Variants in KCNB2 observed in about 807,000 individuals in gnomAD.
KCNB2 encodes the protein potassium voltage-gated channel subfamily B member 2.
Under a neutral mutation model 61.5 loss-of-function variants are expected in KCNB2, and 15 were observed. That is an observed-to-expected ratio of 0.24 (90% CI 0.16 to 0.38). KCNB2 has a LOEUF of 0.38. Ranked by LOEUF, KCNB2 falls within the 10% of genes least tolerant of loss-of-function variation. The pLI is 1.00. For synonymous variants in KCNB2, 457 were observed against 446.0 expected (o/e 1.02, Z -0.31); for missense variants, 828 against 1,125.2 (o/e 0.74, Z 3.78).
intron 2 of KCNB2, among the ~76,000 whole-genome samples, chr8:72,695,493 C>T (rs759165011): frequency 6.6e-6 from 1 of 152,082 alleles, no homozygotes; most frequent in Non-Finnish European, 1.5e-5. Context: ...ATGACAAATG[C>T]TATCCAAGAT....
At chr8:72,686,044 A>T (rs1158552810) in intron 2 of KCNB2, among the ~76,000 whole-genome samples, 2 of 152,238 alleles carry the variant, frequency 1.3e-5, no homozygotes, top group African/African-American at 4.8e-5. Flanking sequence ...GGGCACTTGT[A>T]TGAAAACATA....
At chr8:72,709,750 T>G (rs1293202603) in intron 2 of KCNB2, among the ~76,000 whole-genome samples, 1 of 151,690 alleles carries the variant, frequency 6.6e-6, no homozygotes, top group East Asian at 1.9e-4. Flanking sequence ...AACATGAGAG[T>G]TGGAGGGGAC....
At chr8:72,865,538 A>T (rs1242465221) in intron 2 of KCNB2, among the ~76,000 whole-genome samples, 1 of 152,206 alleles carries the variant, frequency 6.6e-6, no homozygotes, top group Non-Finnish European at 1.5e-5. Context: ...AATGGTGATG[A>T]TAATCATTAT....
chr8:72,592,910 C>A (rs1010420551), intron 2 of KCNB2, among the ~76,000 whole-genome samples: 4 of 151,994 alleles, frequency 2.6e-5, no homozygotes, highest in African/African-American at 9.7e-5. Flanking sequence ...TGTTTTGTTT[C>A]CCTGAAAGAA....
chr8:72,723,747 C>T (rs542914652), intron 2 of KCNB2, among the ~76,000 whole-genome samples: 2 of 152,298 alleles, frequency 1.3e-5, no homozygotes, highest in South Asian at 4.1e-4. Context: ...TAATCCAAAC[C>T]TGTTGGACAT....
intron 2 of KCNB2, among the ~76,000 whole-genome samples, chr8:72,694,040 G>T (rs889052303): frequency 6.6e-6 from 1 of 152,084 alleles, no homozygotes; most frequent in African/African-American, 2.4e-5. Flanking sequence ...ATAGAAAATC[G>T]ATATCAAATT....
chr8:72,818,303 A>G (rs1205460918), intron 2 of KCNB2, among the ~76,000 whole-genome samples: 1 of 152,196 alleles, frequency 6.6e-6, no homozygotes, highest in Non-Finnish European at 1.5e-5. Flanking sequence ...GATAAATTCA[A>G]ATCTATTACT....
intron 2 of KCNB2, among the ~76,000 whole-genome samples, chr8:72,792,459 A>G (rs1054620712): frequency 2.0e-5 from 3 of 152,104 alleles, no homozygotes; most frequent in African/African-American, 7.2e-5. Context: ...TGTTAGGAAT[A>G]TTTTCTACCT....
chr8:72,668,437 A>T (rs1806513916), intron 2 of KCNB2, among the ~76,000 whole-genome samples: 1 of 152,092 alleles, frequency 6.6e-6, no homozygotes, highest in Admixed American at 6.6e-5. Flanking sequence ...AAGTATTTAG[A>T]GGTAGTTTCT....
rs771442228 is a variant in KCNB2 at position 72,640,684 on chromosome 8, T to TA, written c.579+72379dup. ...AGAAAGTCTGCAAAGTGACTCATGA[T>TA]AAAAAAAATATTAGGAAAAAGGAGT... On this transcript the variant is annotated intron_variant, in intron 2 of 2. Coordinates refer to ENST00000523207, the MANE Select transcript of KCNB2 (RefSeq NM_004770.3). Among the ~76,000 whole-genome samples, 13 of 151,890 alleles carry TA rather than the reference T, an allele frequency of 8.6e-5. No individual in the cohort carries two copies. The South Asian group carries it at 1.3e-3, about 15-fold the overall frequency.
rs190494924 is a variant in KCNB2, at chr8:72,583,328, T to C, written c.579+15015T>C. 9.6e-4 allele frequency among the ~76,000 whole-genome samples: 146 copies of C among 152,326 alleles called. 4 individuals carry two copies. Among genetic ancestry groups the C allele is most frequent in the Non-Finnish European group, 1.2e-4 (8 of 68,026 alleles). ...GTGCATTAGAAATCTTTAAGCCTTA[T>C]ATACATCTTCTAAGAATTTTAATGA... On this transcript the variant is annotated intron_variant, in intron 2 of 2. Transcript: ENST00000523207.
chr8:72,896,953 T>C (rs137881278), intron 2 of KCNB2, among the ~76,000 whole-genome samples: 15 of 152,298 alleles, frequency 9.8e-5, no homozygotes, highest in Non-Finnish European at 1.8e-4. Flanking sequence ...GTTGTTGTTG[T>C]TGTTATGAAC....
chr8:72,814,000 T>TC (rs1375074298), intron 2 of KCNB2, among the ~76,000 whole-genome samples: 2 of 152,082 alleles, frequency 1.3e-5, no homozygotes, highest in Non-Finnish European at 2.9e-5. Context: ...ATGCTATCCC[T>TC]CCCCCTACAA....
At chr8:72,822,128 C>T (rs186133745) in intron 2 of KCNB2, among the ~76,000 whole-genome samples, 10 of 152,344 alleles carry the variant, frequency 6.6e-5, no homozygotes, top group Admixed American at 6.5e-4. Flanking sequence ...TGGTGACCTC[C>T]CAGTCATTTT....
intron 2 of KCNB2, among the ~76,000 whole-genome samples, chr8:72,594,806 A>G (rs756175969): frequency 1.3e-5 from 2 of 152,238 alleles, no homozygotes; most frequent in Non-Finnish European, 2.9e-5. Flanking sequence ...TTAAAACAGT[A>G]TAATAAACCA....
chr8:72,890,043 G>A (rs766096393), intron 2 of KCNB2, among the ~76,000 whole-genome samples: 4 of 152,034 alleles, frequency 2.6e-5, no homozygotes, highest in African/African-American at 7.2e-5. Flanking sequence ...CAACATGCAC[G>A]GCCTTATTTT....
At chr8:72,635,533 GTC>G (rs910363989) in intron 2 of KCNB2, among the ~76,000 whole-genome samples, 3 of 152,134 alleles carry the variant, frequency 2.0e-5, no homozygotes, top group African/African-American at 7.2e-5. Flanking sequence ...AGAGTGCCCC[GTC>G]TCTGCTGCTG....
chr8:72,844,626 T>C (rs1809954858), intron 2 of KCNB2, among the ~76,000 whole-genome samples: 1 of 152,234 alleles, frequency 6.6e-6, no homozygotes, highest in African/African-American at 2.4e-5. Flanking sequence ...TCTTGGAGGC[T>C]TTGTTCATTC....
intron 2 of KCNB2, among the ~76,000 whole-genome samples, chr8:72,605,605 G>GGGCT (rs1190518179): frequency 6.6e-6 from 1 of 152,086 alleles, no homozygotes; most frequent in Non-Finnish European, 1.5e-5. Context: ...GTTATACAGA[G>GGGCT]GGCTGTATTT....
Sources: gnomAD v4.1 joint callset for allele counts (sites outside exome capture counted in the v4.1 genomes callset) on GRCh38, gnomAD v4.1.1 for gene constraint, MANE v1.5 for transcripts, NCBI Gene and HGNC (gene_info 2026-07-23, HGNC 2026-07-21) for gene names.